Variants in MED1 observed in about 807,000 individuals in gnomAD.
MED1 encodes the protein mediator of RNA polymerase II transcription subunit 1.
Under a neutral mutation model 121.3 loss-of-function variants are expected in MED1, and 17 were observed. The observed-to-expected ratio is 0.14, with a 90% confidence interval of 0.10 to 0.21. The LOEUF is 0.21. Ranked by LOEUF, MED1 falls within the 10% of genes least tolerant of loss-of-function variation. The probability of loss-of-function intolerance (pLI) is 1.00; values close to 1 mark genes in which losing one functional copy is unlikely to be tolerated. For synonymous variants in MED1, 661 were observed against 694.4 expected, an observed-to-expected ratio of 0.95 and a Z score of 0.76; for missense variants, 1,558 against 1,919.4, an observed-to-expected ratio of 0.81 and a Z score of 3.52.
chr17:39,427,729 T>C lies in MED1; in HGVS notation c.711A>G (p.Ala237=), dbSNP rs2048528337. The change falls in exon 10 of 17, where the codon GCA becomes GCG. Residue 237 remains alanine (A), a synonymous_variant. Coordinates refer to ENST00000300651, the MANE Select transcript of MED1 (RefSeq NM_004774.4). The part of the protein sequence containing the change: ...SPSDLLDDKT[A]SPIILHENNV... Reference sequence around the variant, plus strand: ...TATTCTCATGCAAAATGATGGGAGATGCAGTCTTGTCATCCAGTAGGTCAG... The same window carrying C: ...TATTCTCATGCAAAATGATGGGAGACGCAGTCTTGTCATCCAGTAGGTCAG... The C allele has an allele frequency of 2.5e-6, 4 of 1,603,446 alleles. No homozygotes were observed. The highest frequency in any genetic ancestry group is 2.2e-5 in the East Asian group (1 of 44,792).
In MED1 at chr17:39,451,118, C is replaced by T; in HGVS notation, c.-56G>A. 1.3e-6 allele frequency: 2 copies of T among 1,597,358 alleles called. No individual in the cohort carries two copies. The highest frequency in any genetic ancestry group is 2.7e-5 in the African/African-American group (2 of 74,262). ...CAAAAGGATAAGCCCTTCCCCACCACTAACGGAGGAAACAAGTTGGCTCGG... is the reference window on the plus strand; with the variant it reads ...CAAAAGGATAAGCCCTTCCCCACCATTAACGGAGGAAACAAGTTGGCTCGG... On this transcript the variant is annotated 5_prime_UTR_variant, in exon 1 of 17. The change creates a new upstream start codon in the 5' untranslated region. Transcript: ENST00000300651.
intron 16 of MED1, among the ~76,000 whole-genome samples, chr17:39,413,338 C>T (rs779463414): frequency 6.6e-6 from 1 of 152,204 alleles, no homozygotes; most frequent in Admixed American, 6.6e-5. Flanking sequence ...TCTTGGCTCA[C>T]CGCAACCTCC....
chr17:39,423,038 T>G (rs1175804725), intron 13 of MED1, among the ~76,000 whole-genome samples: 2 of 151,644 alleles, frequency 1.3e-5, no homozygotes, highest in Non-Finnish European at 2.9e-5. Context: ...GCTAATTTTT[T>G]GTATTTTTAG....
At position 39,447,804 on chromosome 17, in the gene MED1, T is replaced by C. The variant is rs1337661931; in HGVS notation, c.126A>G (p.Gln42=). The C allele has an allele frequency of 1.2e-6, 2 of 1,610,824 alleles. No individual in the cohort carries two copies. The highest frequency in any genetic ancestry group is 2.2e-5 in the East Asian group (1 of 44,836). The change falls in exon 2 of 17, where the codon CAA becomes CAG. Residue 42 remains glutamine (Q), a synonymous_variant. Transcript: ENST00000300651. ...PWSETIKLVR[Q]VMEKRVVMSS... ...ACTTCACCACAATCCTTACCATGAC[T>C]TGACGCACAAGCTTAATGGTTTCAC...
In MED1 at chr17:39,407,899, G is replaced by A; in HGVS notation, c.4322C>T (p.Pro1441Leu). 1.2e-6 allele frequency: 2 copies of A among 1,614,120 alleles called. No homozygotes were observed. Among genetic ancestry groups the A allele is most frequent in the Non-Finnish European group, 1.7e-6 (2 of 1,180,028 alleles). ...GCTGGGAGAGCCACGCTCATGCTTTGGAGTGGAACCACTGATGAGTGGAGA... is the reference window on the plus strand; with the variant it reads ...GCTGGGAGAGCCACGCTCATGCTTTAGAGTGGAACCACTGATGAGTGGAGA... ...YGSPLISGST[P>L]KHERGSPSHS... Residue 1441 changes from proline to leucine, a missense_variant, in exon 17 of 17, where the codon CCA becomes CTA. By Grantham distance (98) the Pro-to-Leu change is moderately conservative. Around this residue, in one of 5 missense-constraint regions of MED1, gnomAD observed 264 missense variants for 326.1 expected, o/e 0.81. Transcript: ENST00000300651.
At position 39,408,290 on chromosome 17, in the gene MED1, TCA is replaced by T; in HGVS notation, c.3929_3930del (p.Leu1310GlnfsTer12). On this transcript the variant is annotated frameshift_variant, in exon 17 of 17. Coordinates refer to ENST00000300651, the MANE Select transcript of MED1 (RefSeq NM_004774.4). LOFTEE classifies it high-confidence loss of function. This position sits in a 1 kb window ranked among gnomAD's most constrained non-coding sequence, Gnocchi z 4.7. ...KPSLTAVIDK[L>X]KHGVVTSGPG... ...GGGCCACTGGTGACAACCCCATGCT[TCA>T]GTTTATCTATGACAGCTGTCAAGGA... 1 of 1,614,124 alleles carries T rather than the reference TCA, an allele frequency of 6.2e-7. No homozygotes were observed. The highest frequency in any genetic ancestry group is 8.5e-7 in the Non-Finnish European group (1 of 1,180,028).
intron 2 of MED1, among the ~76,000 whole-genome samples, chr17:39,447,255 G>A (rs537743089): frequency 3.3e-5 from 5 of 152,168 alleles, no homozygotes; most frequent in African/African-American, 1.2e-4. Flanking sequence ...GCTGGGCGTG[G>A]TGGCGCATGC....
rs569706151 is a variant in MED1, at chr17:39,415,677, C to T, written c.1298-338G>A. On this transcript the variant is annotated intron_variant, in intron 14 of 16. Transcript: ENST00000300651. ...AATACAAAATACAAAATTAGTCGGGCGTGGTGGCACATGCCTGTAATCCCA... is the reference window on the plus strand; with the variant it reads ...AATACAAAATACAAAATTAGTCGGGTGTGGTGGCACATGCCTGTAATCCCA... Among the ~76,000 whole-genome samples, 206 of 151,956 alleles carry T rather than the reference C, an allele frequency of 1.4e-3. 1 individual carries two copies. Among genetic ancestry groups the T allele is most frequent in the Middle Eastern group, 3.4e-3 (1 of 294 alleles).
chr17:39,427,585 G>A (rs1262298303), intron 10 of MED1, 116 bp downstream of exon 10: 3 of 666,460 alleles, frequency 4.5e-6, no homozygotes, highest in East Asian at 5.5e-5. Flanking sequence ...GAGGTGTTGT[G>A]TGTATAAGGT....
In MED1 at chr17:39,440,344, A is replaced by C. The variant is rs368370854; in HGVS notation, c.399+42T>G. 1 of 1,524,606 alleles carries C rather than the reference A, an allele frequency of 6.6e-7. No individual in the cohort carries two copies. Among genetic ancestry groups the C allele is most frequent in the African/African-American group, 1.4e-5 (1 of 70,876 alleles). 94.4% of individuals were successfully genotyped at this position (1,524,606 alleles called of 1,614,324 possible). On this transcript the variant is annotated intron_variant, in intron 5 of 16. Coordinates refer to ENST00000300651, the MANE Select transcript of MED1 (RefSeq NM_004774.4). This position sits in a 1 kb window ranked among gnomAD's most constrained non-coding sequence, Gnocchi z 4.1. ...ATTAATTTTAAAATTAATGTCCCTA[A>C]GTAAACCCCACAGATTCCAGTGAAA...
intron 1 of MED1, among the ~76,000 whole-genome samples, 161 bp from the exon 2 acceptor site, chr17:39,448,065 T>C (rs1221185357): frequency 6.6e-6 from 1 of 151,938 alleles, no homozygotes; most frequent in African/African-American, 2.4e-5. Flanking sequence ...ACATTTTTAA[T>C]GGCAAGATGA....
intron 6 of MED1, among the ~76,000 whole-genome samples, chr17:39,436,995 T>A (rs1210544912): frequency 6.6e-6 from 1 of 151,870 alleles, no homozygotes; most frequent in Non-Finnish European, 1.5e-5. Flanking sequence ...TGTAATGGCA[T>A]GATCTTGGCT....
In MED1 at chr17:39,407,339, CT is replaced by C; in HGVS notation, c.*135del. On this transcript the variant is annotated 3_prime_UTR_variant, in exon 17 of 17. Coordinates refer to ENST00000300651, the MANE Select transcript of MED1 (RefSeq NM_004774.4). ...GGATATGCCTTTCTAATTCACCCAG[CT>C]TGATGTCAAAGCCATGCCATTTAGG... 2.1e-6 allele frequency: 3 copies of C among 1,421,964 alleles called. No individual in the cohort carries two copies. Among genetic ancestry groups the C allele is most frequent in the Non-Finnish European group, 2.7e-6 (3 of 1,092,368 alleles). The allele number at this position is 1,421,964 out of a possible 1,614,324, so 88.1% of individuals were successfully genotyped here.
intron 14 of MED1, 44 bp from the exon 15 acceptor site, chr17:39,415,383 C>T: frequency 6.5e-7 from 1 of 1,530,570 alleles, no homozygotes; most frequent in Non-Finnish European, 9.0e-7. Context: ...AAATATAAGA[C>T]TTCACACAGG....
rs762249996 is a variant in MED1 at position 39,410,351 on chromosome 17, G to C, written c.1870C>G (p.Pro624Ala). 2 of 1,613,814 alleles carry C rather than the reference G, an allele frequency of 1.2e-6. No homozygotes were observed. The highest frequency in any genetic ancestry group is 1.1e-5 in the South Asian group (1 of 91,054). ...ACAGGTGGCGGCGTGTGATGAGGAG[G>C]GGTCGGACTCGAGCCAATGGTAGAC... ...GGSTIGSSPTPPHHTPPPVSS... is the reference protein window; with the variant it reads ...GGSTIGSSPTAPHHTPPPVSS... The change falls in exon 17 of 17, where the codon CCT becomes GCT. Residue 624 changes from proline (P) to alanine (A), a missense_variant. Pro to Ala is a conservative substitution (Grantham distance 27). This residue lies in a region of MED1 where 793 missense variants were observed against 898.2 expected (regional missense o/e 0.88). Coordinates refer to ENST00000300651, the MANE Select transcript of MED1 (RefSeq NM_004774.4).
intron 6 of MED1, among the ~76,000 whole-genome samples, chr17:39,436,128 C>A (rs1315821386): frequency 6.6e-6 from 1 of 151,668 alleles, no homozygotes; most frequent in Non-Finnish European, 1.5e-5. Flanking sequence ...TTTGGGAGGC[C>A]GAGGCGGGCA....
chr17:39,437,741 C>T (rs530836218), intron 6 of MED1, among the ~76,000 whole-genome samples: 4 of 152,008 alleles, frequency 2.6e-5, no homozygotes, highest in African/African-American at 9.6e-5. Context: ...TTGAGATCAG[C>T]CTGGGCAACA....
intron 14 of MED1, 30 bp from the exon 15 acceptor site, chr17:39,415,369 A>G (rs757733137): frequency 8.9e-6 from 14 of 1,566,344 alleles, no homozygotes; most frequent in Middle Eastern, 3.3e-4. Flanking sequence ...ATCATAAAAC[A>G]ACCAAATATA....
Position 39,406,532 on chromosome 17 carries a change from T to C in MED1, c.*943A>G, listed in dbSNP as rs1005048472. ...CTAAACCTTACTGCATCTGAAAACA[T>C]GTTTACATCCCAACAAGCCACCTTA... On this transcript the variant is annotated 3_prime_UTR_variant, in exon 17 of 17. Transcript: ENST00000300651. 2.0e-6 allele frequency: 2 copies of C among 985,168 alleles called. No individual in the cohort carries two copies. The highest frequency in any genetic ancestry group is 1.2e-6 in the Non-Finnish European group (1 of 829,900). The allele number at this position is 985,168 out of a possible 1,614,324, so 61.0% of individuals were successfully genotyped here. A position where few individuals can be genotyped will look rare whatever the true frequency, so the allele number is the denominator to read the frequency against.
Sources: allele counts gnomAD v4.1 joint callset (sites outside exome capture counted in the v4.1 genomes callset), GRCh38; gene constraint gnomAD v4.1.1; regional missense constraint gnomAD v4.1.1; non-coding constraint Gnocchi (gnomAD v3.1); transcripts MANE v1.5; gene names NCBI Gene and HGNC (gene_info 2026-07-23, HGNC 2026-07-21).